Variants in MALL observed in about 807,000 individuals in gnomAD.
The protein encoded by MALL is MAL-like protein.
MALL carries 2 observed loss-of-function variants against 10.3 expected under a neutral mutation model. The ratio of observed to expected loss-of-function variants is 0.19; its 90% CI spans 0.08 to 0.61. The LOEUF (loss-of-function observed/expected upper bound fraction) is 0.61. MALL is among the 20% of genes least tolerant of loss of function. The probability of loss-of-function intolerance (pLI) is 0.88; values close to 1 mark genes in which losing one functional copy is unlikely to be tolerated. For missense variants in MALL, 39 were observed against 115.2 expected, an observed-to-expected ratio of 0.34 and a Z score of 3.03; for synonymous variants, 27 against 51.8, an observed-to-expected ratio of 0.52 and a Z score of 2.05.
At chr2:110,103,499 G>A (rs1370123333) in intron 1 of MALL, among the ~76,000 whole-genome samples, 2 of 152,298 alleles carry the variant, frequency 1.3e-5, no homozygotes, top group African/African-American at 4.8e-5. Context: ...CAACACTCTA[G>A]GAGCCTCTCC....
intron 1 of MALL, among the ~76,000 whole-genome samples, chr2:110,098,933 C>T (rs1678504599): frequency 6.6e-6 from 1 of 151,774 alleles, no homozygotes; most frequent in Non-Finnish European, 1.5e-5. Flanking sequence ...GCCCGGGAGG[C>T]AGACAGCCTT....
At chr2:110,100,719 T>C (rs1292601953) in intron 1 of MALL, among the ~76,000 whole-genome samples, 2 of 152,032 alleles carry the variant, frequency 1.3e-5, no homozygotes, top group Non-Finnish European at 2.9e-5. Context: ...CACAGCACTG[T>C]CCCATGGGTA....
chr2:110,115,541 C>G (rs372494325), intron 1 of MALL, 147 bp downstream of exon 1: 34 of 402,794 alleles, frequency 8.4e-5, no homozygotes, highest in Middle Eastern at 6.4e-4. Flanking sequence ...GGTCTCCCCC[C>G]CCCTCTCTGC....
intron 1 of MALL, among the ~76,000 whole-genome samples, chr2:110,105,969 C>T (rs1559032271): frequency 2.0e-5 from 3 of 152,114 alleles, no homozygotes; most frequent in Non-Finnish European, 4.4e-5. Context: ...ATGAACTTGC[C>T]GAACTGGAAG....
At chr2:110,105,704 C>T (rs1044645173) in intron 1 of MALL, among the ~76,000 whole-genome samples, 1 of 152,176 alleles carries the variant, frequency 6.6e-6, no homozygotes, top group African/African-American at 2.4e-5. Flanking sequence ...GATTTCTCCT[C>T]CTGGAAAACT....
intron 1 of MALL, among the ~76,000 whole-genome samples, chr2:110,111,723 GA>G (rs200474549): frequency 9.9e-5 from 15 of 151,128 alleles, no homozygotes; most frequent in South Asian, 6.3e-4. Flanking sequence ...CACAGAATTA[GA>G]AAAAAAAATT....
upstream of MALL, among the ~76,000 whole-genome samples, chr2:110,116,789 G>A (rs1012500507): frequency 2.6e-5 from 4 of 152,120 alleles, no homozygotes; most frequent in African/African-American, 7.2e-5. Context: ...TTCCCGACCC[G>A]CCCTGAAACA....
chr2:110,116,275 AG>A (rs1671204586), upstream of MALL: 1 of 153,856 alleles, frequency 6.5e-6, no homozygotes, highest in Admixed American at 6.5e-5. Context: ...AGAATCAGTG[AG>A]GTCAAGTCAA....
intron 1 of MALL, among the ~76,000 whole-genome samples, chr2:110,106,074 A>C (rs936182619): frequency 6.6e-6 from 1 of 152,172 alleles, no homozygotes; most frequent in Admixed American, 6.5e-5. Context: ...AACATCAAAC[A>C]AAGAGTTTGC....
chr2:110,097,102 A>AAC (rs1365573151), intron 1 of MALL, among the ~76,000 whole-genome samples: 1 of 151,808 alleles, frequency 6.6e-6, no homozygotes, highest in Admixed American at 6.6e-5. Flanking sequence ...AAACAAAAAA[A>AAC]AAAAAAGAGA....
chr2:110,114,110 TG>T (rs1448282942), intron 1 of MALL, among the ~76,000 whole-genome samples: 1 of 152,132 alleles, frequency 6.6e-6, no homozygotes, highest in Admixed American at 6.5e-5. Context: ...GGTGCTGTCC[TG>T]GTTCCAGAAA....
chr2:110,097,426 C>T, intron 1 of MALL: 1 of 454,888 alleles, frequency 2.2e-6, no homozygotes, highest in South Asian at 1.6e-5. Context: ...CGCGTGGGCA[C>T]TGGAGTCTCA....
In MALL at chr2:110,103,481, A is replaced by G. The variant is rs189963995; in HGVS notation, c.106-11711T>C. Reference sequence around the variant, plus strand: ...AGGGCCCTTTGCCCTGAGTGTTGCCAATCTGGACAACACTCTAGGAGCCTC... The same window carrying G: ...AGGGCCCTTTGCCCTGAGTGTTGCCGATCTGGACAACACTCTAGGAGCCTC... On this transcript the variant is annotated intron_variant, in intron 1 of 3. Coordinates refer to ENST00000272462, the MANE Select transcript of MALL (RefSeq NM_005434.5). 7.7e-3 allele frequency among the ~76,000 whole-genome samples: 1,171 copies of G among 152,256 alleles called. 29 individuals carry two copies. Among genetic ancestry groups the G allele is most frequent in the South Asian group, 0.046 (220 of 4,826 alleles).
At chr2:110,117,638 A>T (rs1471069227), upstream of MALL, among the ~76,000 whole-genome samples, 469 of 150,174 alleles carry the variant, frequency 3.1e-3, 3 homozygotes, top group African/African-American at 0.01. Flanking sequence ...AGAGAGAGAG[A>T]GAGAGAGAGA....
At chr2:110,114,623 T>G (rs142616746) in intron 1 of MALL, among the ~76,000 whole-genome samples, 60 of 151,720 alleles carry the variant, frequency 4.0e-4, no homozygotes, top group South Asian at 3.1e-3. Flanking sequence ...CCACCCTGCC[T>G]GATTCTCTTT....
rs369569541 is a variant in MALL at position 110,114,285 on chromosome 2, G to A, written c.105+1403C>T. Among the ~76,000 whole-genome samples, 24 of 152,172 alleles carry A rather than the reference G, an allele frequency of 1.6e-4. No homozygotes were observed. In the East Asian group the frequency reaches 4.3e-3, roughly 27 times the overall value. ...GTTCAGATGGTCCCTCCTTGCTGAG[G>A]CCACCATCCACTTGTTGGGAGGAAA... On this transcript the variant is annotated intron_variant, in intron 1 of 3. Coordinates refer to ENST00000272462, the MANE Select transcript of MALL (RefSeq NM_005434.5).
intron 1 of MALL, among the ~76,000 whole-genome samples, chr2:110,111,979 G>T (rs1195185619): frequency 3.3e-5 from 5 of 152,100 alleles, no homozygotes; most frequent in Admixed American, 3.3e-4. Flanking sequence ...ACATAATGTG[G>T]GGAAAGGACA....
chr2:110,096,107 C>A (rs1395402167), intron 1 of MALL, among the ~76,000 whole-genome samples: 1 of 152,290 alleles, frequency 6.6e-6, no homozygotes, highest in South Asian at 2.1e-4. Context: ...GCACTACCCT[C>A]CGGGCGGCAC....
chr2:110,092,826 C>A (rs1257145627), intron 1 of MALL, among the ~76,000 whole-genome samples: 91 of 94,122 alleles, frequency 9.7e-4, no homozygotes, highest in Admixed American at 3.6e-3. Flanking sequence ...TGGAGTGCAA[C>A]CTTTAGTAGT....
Sources: allele counts gnomAD v4.1 joint callset (sites outside exome capture counted in the v4.1 genomes callset), GRCh38; gene constraint gnomAD v4.1.1; transcripts MANE v1.5; gene names NCBI Gene and HGNC (gene_info 2026-07-23, HGNC 2026-07-21).